HMCN1: variants seen among roughly 807,000 people sequenced by gnomAD.
HMCN1 encodes the protein hemicentin-1.
HMCN1 carries 321 observed loss-of-function variants against 625.9 expected under a neutral mutation model. The observed-to-expected ratio is 0.51, with a 90% CI of 0.47 to 0.56. The LOEUF is 0.56. Among genes scored for constraint, HMCN1 ranks in the 20% least tolerant of loss-of-function variants. The probability of loss-of-function intolerance (pLI) is 0.00; values close to 1 mark genes in which losing one functional copy is unlikely to be tolerated. For missense variants in HMCN1, 6,588 were observed against 6,887.3 expected (o/e 0.96, Z 1.54); for synonymous variants, 2,425 against 2,417.6 (o/e 1.00, Z -0.09).
Position 186,114,903 on chromosome 1 carries a change from T to C in HMCN1, c.11361T>C (p.Asn3787=). Residue 3787 remains asparagine (N), a synonymous_variant, in exon 74 of 107, where the codon AAT becomes AAC. Coordinates refer to ENST00000271588, the MANE Select transcript of HMCN1 (RefSeq NM_031935.3). ...GACGGTATTTGTGTATGGCCACCAA[T>C]GCTGCTGGAACAGATCGCAGGCGAA... ...DTGRYLCMAT[N]AAGTDRRRID... is the part of the protein sequence containing the mutation. The C allele has an allele frequency of 6.2e-7, 1 of 1,614,152 alleles. No individual in the cohort carries two copies. The highest frequency in any genetic ancestry group is 8.5e-7 in the Non-Finnish European group (1 of 1,180,002).
intron 55 of HMCN1, 115 bp downstream of exon 55, chr1:186,078,335 T>G (rs1331231626): frequency 1.3e-6 from 1 of 746,626 alleles, no homozygotes; most frequent in Non-Finnish European, 2.4e-6. Flanking sequence ...AACCAGAAAC[T>G]GATAGTTCTC....
At chr1:185,753,057 A>G (rs1553233970) in intron 1 of HMCN1, among the ~76,000 whole-genome samples, 1 of 152,136 alleles carries the variant, frequency 6.6e-6, no homozygotes, top group Non-Finnish European at 1.5e-5. Context: ...TTACTAGTAG[A>G]TAAAGAAAAA....
At chr1:186,086,524 G>A (rs1183054345) in intron 58 of HMCN1, 117 bp downstream of exon 58, 2 of 1,034,992 alleles carry the variant, frequency 1.9e-6, no homozygotes, top group Non-Finnish European at 2.9e-6. Context: ...TTTATTCACA[G>A]TAAATGCCTC....
rs1661201694 is a variant in HMCN1 at position 186,117,685 on chromosome 1, AC to A, written c.11848+64del. The A allele has an allele frequency of 5.0e-5, 74 of 1,482,378 alleles. 1 individual carries two copies. The South Asian group carries it at 8.1e-4, about 16-fold the overall frequency. 91.8% of individuals were successfully genotyped at this position (1,482,378 alleles called of 1,614,324 possible). Reference sequence around the variant, plus strand: ...GTATTATTTATTGATGCATATTCTTACCTGGCCTTTGTTGCACCAGAATAAA... The same window carrying A: ...GTATTATTTATTGATGCATATTCTTACTGGCCTTTGTTGCACCAGAATAAA... On this transcript the variant is annotated intron_variant, in intron 77 of 106. Coordinates refer to ENST00000271588, the MANE Select transcript of HMCN1 (RefSeq NM_031935.3).
At chr1:185,851,331 A>C (rs138896885) in intron 2 of HMCN1, among the ~76,000 whole-genome samples, 2 of 152,286 alleles carry the variant, frequency 1.3e-5, no homozygotes, top group Admixed American at 6.5e-5. Context: ...TGAGAAGTAA[A>C]TTCAGTTTGA....
At chr1:185,884,166 T>A (rs896746840) in intron 4 of HMCN1, among the ~76,000 whole-genome samples, 1 of 151,882 alleles carries the variant, frequency 6.6e-6, no homozygotes, top group Non-Finnish European at 1.5e-5. Context: ...CACCATGTAT[T>A]CAATGAGGTC....
intron 1 of HMCN1, among the ~76,000 whole-genome samples, chr1:185,782,119 T>G (rs1036833680): frequency 5.3e-5 from 8 of 152,208 alleles, no homozygotes; most frequent in African/African-American, 1.4e-4. Flanking sequence ...TTTGTCTCTT[T>G]TGATCTTTGT....
chr1:186,115,164 G>T, intron 74 of HMCN1, 94 bp from the exon 75 acceptor site: 1 of 1,501,866 alleles, frequency 6.7e-7, no homozygotes. Context: ...TATGAGGCAA[G>T]TTAATAATGA....
In HMCN1 at chr1:185,995,083, C is replaced by T; in HGVS notation, c.3774C>T (p.Val1258=). ...ATGAAACAGAGATAACGCTACATGT[C>T]CAAGGTGATTCTTGACACAGGAAAA... The part of the protein sequence containing the change: ...GTDETEITLH[V]QEPPTVEDLE... Residue 1258 remains valine, a synonymous_variant, in exon 24 of 107, where the codon GTC becomes GTT. Transcript: ENST00000271588. 2 of 1,613,414 alleles carry T rather than the reference C, an allele frequency of 1.2e-6. No homozygotes were observed. Among genetic ancestry groups the T allele is most frequent in the Non-Finnish European group, 1.7e-6 (2 of 1,179,540 alleles).
At chr1:186,095,221 G>A (rs756213061) in intron 67 of HMCN1, 22 bp from the exon 68 acceptor site, 6 of 1,612,604 alleles carry the variant, frequency 3.7e-6, no homozygotes, top group Non-Finnish European at 5.1e-6. Context: ...TCCAAATTTT[G>A]CCCATGTTGT....
At chr1:185,783,138 C>T (rs780307044) in intron 1 of HMCN1, among the ~76,000 whole-genome samples, 3 of 152,160 alleles carry the variant, frequency 2.0e-5, no homozygotes, top group South Asian at 2.1e-4. Context: ...TTCATCGAAT[C>T]GGCTACTGAA....
chr1:185,772,370 C>T (rs903058832), intron 1 of HMCN1, among the ~76,000 whole-genome samples: 9 of 152,028 alleles, frequency 5.9e-5, no homozygotes, highest in African/African-American at 2.2e-4. Context: ...ATTTAGGTGA[C>T]AGTGGAAATG....
chr1:185,993,138 A>C (rs1372494991), intron 22 of HMCN1, 44 bp from the exon 23 acceptor site: 2 of 1,591,322 alleles, frequency 1.3e-6, no homozygotes, highest in African/African-American at 1.3e-5. Context: ...GGGATATTTA[A>C]ATTCTCCTCT....
chr1:186,028,497 C>T (rs1655205682), intron 36 of HMCN1, among the ~76,000 whole-genome samples: 1 of 152,120 alleles, frequency 6.6e-6, no homozygotes, highest in Non-Finnish European at 1.5e-5. Flanking sequence ...TATGGACTTA[C>T]ATTGGAGCCT....
intron 11 of HMCN1, among the ~76,000 whole-genome samples, chr1:185,945,074 A>G (rs1668267728): frequency 6.6e-6 from 1 of 152,220 alleles, no homozygotes; most frequent in Non-Finnish European, 1.5e-5. Flanking sequence ...TTTTTAATAT[A>G]TGATGAAGGG....
At position 186,136,792 on chromosome 1, in the gene HMCN1, T is replaced by C. The variant is rs997772232; in HGVS notation, c.13437T>C (p.Ser4479=). ...TTACATGGTCCCGTCAAGGGCACTC[T>C]ATTTCCTGGGATGACCGGGTTAACG... The part of the protein sequence containing the change: ...PTITWSRQGH[S]ISWDDRVNVL... Residue 4479 remains serine (S), a synonymous_variant, in exon 87 of 107, where the codon TCT becomes TCC. Coordinates refer to ENST00000271588, the MANE Select transcript of HMCN1 (RefSeq NM_031935.3). 5 of 1,613,916 alleles carry C rather than the reference T, an allele frequency of 3.1e-6. No homozygotes were observed. In the African/African-American group the frequency reaches 6.7e-5, roughly 22 times the overall value.
rs1374200631 is a variant in HMCN1, at chr1:186,076,628, G to T, written c.8485+6G>T. 1 of 1,611,556 alleles carries T rather than the reference G, an allele frequency of 6.2e-7. No homozygotes were observed. On this transcript the variant is annotated splice_donor_region_variant and intron_variant, in intron 54 of 106. Coordinates refer to ENST00000271588, the MANE Select transcript of HMCN1 (RefSeq NM_031935.3). ...TAAAGTATTGATTTTGCCAGGTAAA[G>T]ATTGATACCAACAGGGTGAAAAGCT...
Position 186,145,832 on chromosome 1 carries a change from G to A in HMCN1, c.14517G>A (p.Arg4839=). 2 of 1,614,068 alleles carry A rather than the reference G, an allele frequency of 1.2e-6. No homozygotes were observed. The highest frequency in any genetic ancestry group is 1.7e-6 in the Non-Finnish European group (2 of 1,179,996). ...SCGGGEKTRK[R]LCDHPVPVKG... is the part of the protein sequence containing the mutation. ...GAGGAGGTGAAAAGACTCGGAAGCG[G>A]CTGTGCGACCATCCTGTGCCAGTTA... is the stretch of plus-strand genomic sequence containing the variant. Residue 4839 remains arginine (R), a synonymous_variant, in exon 93 of 107, where the codon CGG becomes CGA. Transcript: ENST00000271588.
chr1:186,060,820 G>C (rs189315230), intron 46 of HMCN1, among the ~76,000 whole-genome samples: 2 of 152,134 alleles, frequency 1.3e-5, no homozygotes, highest in African/African-American at 4.8e-5. Context: ...GGGTGTCTGG[G>C]CTGGTTGTCT....
Sources: allele counts gnomAD v4.1 joint callset (sites outside exome capture counted in the v4.1 genomes callset), GRCh38; gene constraint gnomAD v4.1.1; transcripts MANE v1.5; gene names NCBI Gene and HGNC (gene_info 2026-07-23, HGNC 2026-07-21).